The following RNF112 variants were observed in gnomAD, a reference collection of about 807,000 sequenced individuals.
The protein encoded by RNF112 is brain finger protein.
Under a neutral mutation model 64.7 loss-of-function variants are expected in RNF112, and 34 were observed. The ratio of observed to expected loss-of-function variants is 0.53; its 90% CI spans 0.40 to 0.70. RNF112 has a LOEUF of 0.70. Among genes scored for constraint, RNF112 ranks in the 30% least tolerant of loss-of-function variants. The pLI is 0.00. For synonymous variants in RNF112, 345 were observed against 344.5 expected, an observed-to-expected ratio of 1.00 and a Z score of -0.02; for missense variants, 734 against 850.0, an observed-to-expected ratio of 0.86 and a Z score of 1.70.
rs1472780069 is a variant in RNF112 at position 19,412,688 on chromosome 17, G to C, written c.286G>C (p.Glu96Gln). The change falls in exon 3 of 14, where the codon GAG becomes CAG. Residue 96 changes from glutamate (E) to glutamine (Q), a missense_variant. By Grantham distance (29) the Glu-to-Gln change is conservative. Coordinates refer to ENST00000461366, the MANE Select transcript of RNF112 (RefSeq NM_007148.5). This position sits in a 1 kb window ranked among gnomAD's most constrained non-coding sequence, Gnocchi z 5.1. ...GGGCTGTGAGCCGCCCTGCTGTCCT[G>C]AGTGCCGGAAGATATGCAAGCAGAA... Reference protein sequence around the residue: ...LPGCEPPCCPECRKICKQKRG... With the variant: ...LPGCEPPCCPQCRKICKQKRG... 2 of 1,613,206 alleles carry C rather than the reference G, an allele frequency of 1.2e-6. No individual in the cohort carries two copies. Among genetic ancestry groups the C allele is most frequent in the Non-Finnish European group, 1.7e-6 (2 of 1,179,786 alleles).
rs1005788864 is a variant in RNF112, at chr17:19,415,395, T to TG, written c.1350+61dup. 9.7e-6 allele frequency: 15 copies of TG among 1,547,992 alleles called. No homozygotes were observed. The Admixed American group carries it at 9.8e-5, about 10-fold the overall frequency. On this transcript the variant is annotated intron_variant, in intron 12 of 13. Transcript: ENST00000461366. This position sits in a 1 kb window ranked among gnomAD's most constrained non-coding sequence, Gnocchi z 7.8. ...CAGGGAGACAGGGGAGGCAGGGAGG[T>TG]GGGGGCTGTGCCGAGGCCTCCGGGG...
At position 19,415,274 on chromosome 17, in the gene RNF112, G is replaced by T; in HGVS notation, c.1297-12G>T. On this transcript the variant is annotated splice_polypyrimidine_tract_variant and intron_variant, in intron 11 of 13. Transcript: ENST00000461366. This position sits in a 1 kb window ranked among gnomAD's most constrained non-coding sequence, Gnocchi z 7.8. ...CCTGCTCTCCCTGACCCCAGCGATG[G>T]TATCTCCGCAGAACCTCTCAGGATG... The T allele has an allele frequency of 6.2e-7, 1 of 1,604,608 alleles. No homozygotes were observed.
Position 19,416,468 on chromosome 17 carries a change from T to A in RNF112, c.*293T>A. ...ACATCCCAGGGTTTCTGGCTGCAAG[T>A]GAGACTCCACCCTCCCCACCTGGCT... On this transcript the variant is annotated 3_prime_UTR_variant, in exon 14 of 14. Coordinates refer to ENST00000461366, the MANE Select transcript of RNF112 (RefSeq NM_007148.5). The A allele has an allele frequency of 2.9e-6, 1 of 341,516 alleles. No homozygotes were observed. Among genetic ancestry groups the A allele is most frequent in the Non-Finnish European group, 5.4e-6 (1 of 186,408 alleles). 21.2% of individuals were successfully genotyped at this position (341,516 alleles called of 1,614,324 possible). A position where few individuals can be genotyped will look rare whatever the true frequency, so the allele number is the denominator to read the frequency against.
At position 19,415,884 on chromosome 17, in the gene RNF112, C is replaced by T. The variant is rs1419812559; in HGVS notation, c.1605C>T (p.Phe535=). The T allele has an allele frequency of 3.7e-6, 6 of 1,613,600 alleles. No individual in the cohort carries two copies. Among genetic ancestry groups the T allele is most frequent in the Non-Finnish European group, 4.2e-6 (5 of 1,179,824 alleles). The change falls in exon 14 of 14, where the codon TTC becomes TTT. Residue 535 remains phenylalanine, a synonymous_variant. Transcript: ENST00000461366. This position sits in a 1 kb window ranked among gnomAD's most constrained non-coding sequence, Gnocchi z 7.8. ...EAELQATAKA[F]MDSYTMRFCG... is the part of the protein sequence containing the mutation. ...AGCTGCAGGCCACGGCCAAGGCCTTCATGGACTCCTACACGATGCGCTTCT... is the reference window on the plus strand; with the variant it reads ...AGCTGCAGGCCACGGCCAAGGCCTTTATGGACTCCTACACGATGCGCTTCT...
At position 19,415,547 on chromosome 17, in the gene RNF112, G is replaced by C; in HGVS notation, c.1380G>C (p.Lys460Asn). Reference sequence around the variant, plus strand: ...CTGCTCAGCTGCACGACCTGAGGAAGGTGGAAGCTGCCAAGAGGGAGTTCG... The same window carrying C: ...CTGCTCAGCTGCACGACCTGAGGAACGTGGAAGCTGCCAAGAGGGAGTTCG... ...EMAAQLHDLR[K>N]VEAAKREFEE... Residue 460 changes from lysine (K) to asparagine (N), a missense_variant, in exon 13 of 14, where the codon AAG (lysine) becomes AAC (asparagine). Physicochemically the swap from Lys to Asn is moderately conservative, Grantham distance 94 (BLOSUM62 0). Coordinates refer to ENST00000461366, the MANE Select transcript of RNF112 (RefSeq NM_007148.5). The surrounding 1 kb of genome is among the most constrained non-coding windows in gnomAD (Gnocchi z 7.8). The C allele has an allele frequency of 2.5e-6, 4 of 1,612,918 alleles. No individual in the cohort carries two copies. The highest frequency in any genetic ancestry group is 2.5e-6 in the Non-Finnish European group (3 of 1,179,576).
rs1006900185 is a variant in RNF112 at position 19,414,441 on chromosome 17, A to G, written c.877-8A>G. On this transcript the variant is annotated splice_polypyrimidine_tract_variant and splice_region_variant and intron_variant, in intron 7 of 13. Transcript: ENST00000461366. The stretch of plus-strand genomic sequence containing the variant: ...CCAGCCCTGACGCTTTCTGTGTCCC[A>G]CCCCCAGATGTTTGTCCACGTGGCC... The G allele has an allele frequency of 1.9e-6, 3 of 1,613,650 alleles. No homozygotes were observed. The African/African-American group carries it at 4.0e-5, about 22-fold the overall frequency.
chr17:19,411,721 G>C (rs544806512), intron 2 of RNF112, 51 bp downstream of exon 2: 2 of 1,545,596 alleles, frequency 1.3e-6, no homozygotes, highest in Admixed American at 3.9e-5. Context: ...GGCCAGGCAG[G>C]TCAGTTGAAA....
intron 9 of RNF112, 55 bp downstream of exon 9, chr17:19,414,715 A>G: frequency 6.2e-7 from 1 of 1,610,716 alleles, no homozygotes; most frequent in Non-Finnish European, 8.5e-7. Flanking sequence ...AGAGGTGGGG[A>G]AGACATGGGA....
Position 19,412,497 on chromosome 17 carries a change from G to C in RNF112, c.96-1G>C, listed in dbSNP as rs1913694017. ...TTTCAATGGCCTGTTTTGCCCCACA[G>C]GTCCCATACACCTTTCCCCAAGTTG... is the stretch of plus-strand genomic sequence containing the variant. On this transcript the variant is annotated splice_acceptor_variant, in intron 2 of 13. Transcript: ENST00000461366. LOFTEE classifies it high-confidence loss of function. This position sits in a 1 kb window ranked among gnomAD's most constrained non-coding sequence, Gnocchi z 5.1. 6.2e-7 allele frequency: 1 copy of C among 1,610,984 alleles called. No individual in the cohort carries two copies. The highest frequency in any genetic ancestry group is 8.5e-7 in the Non-Finnish European group (1 of 1,179,118).
chr17:19,411,466 A>T lies in RNF112; in HGVS notation c.54+4A>T. 7.1e-7 allele frequency: 1 copy of T among 1,411,114 alleles called. No individual in the cohort carries two copies. The highest frequency in any genetic ancestry group is 1.6e-5 in the African/African-American group (1 of 63,992). The allele number at this position is 1,411,114 out of a possible 1,614,324, so 87.4% of individuals were successfully genotyped here. A position where few individuals can be genotyped will look rare whatever the true frequency, so the allele number is the denominator to read the frequency against. ...TTGTCATCGGCTTGGCAAACGGGCA[A>T]GTCTTCAGTCCTAAGATCGGGAAGG... is the stretch of plus-strand genomic sequence containing the variant. On this transcript the variant is annotated splice_donor_region_variant and intron_variant, in intron 1 of 13. Coordinates refer to ENST00000461366, the MANE Select transcript of RNF112 (RefSeq NM_007148.5).
At position 19,415,264 on chromosome 17, in the gene RNF112, C is replaced by T. The variant is rs1376406544; in HGVS notation, c.1297-22C>T. 2.5e-6 allele frequency: 4 copies of T among 1,600,340 alleles called. No individual in the cohort carries two copies. Among genetic ancestry groups the T allele is most frequent in the Non-Finnish European group, 2.6e-6 (3 of 1,176,296 alleles). ...CGGCTGGGCCCCTGCTCTCCCTGAC[C>T]CCAGCGATGGTATCTCCGCAGAACC... is the stretch of plus-strand genomic sequence containing the variant. On this transcript the variant is annotated intron_variant, in intron 11 of 13. Coordinates refer to ENST00000461366, the MANE Select transcript of RNF112 (RefSeq NM_007148.5). This position sits in a 1 kb window ranked among gnomAD's most constrained non-coding sequence, Gnocchi z 7.8.
chr17:19,411,620 T>C lies in RNF112; in HGVS notation c.55-10T>C, dbSNP rs74724083. On this transcript the variant is annotated splice_polypyrimidine_tract_variant and intron_variant, in intron 1 of 13. Coordinates refer to ENST00000461366, the MANE Select transcript of RNF112 (RefSeq NM_007148.5). ...GTTCTAAATCTTTTTTTTTTTTTTT[T>C]TTCTCCAAGGAGAGAAAACAGAGCT... 18 of 1,550,912 alleles carry C rather than the reference T, an allele frequency of 1.2e-5. No homozygotes were observed. The highest frequency in any genetic ancestry group is 1.5e-5 in the Non-Finnish European group (17 of 1,147,872).
At position 19,416,289 on chromosome 17, in the gene RNF112, C is replaced by G. The variant is rs1233258854; in HGVS notation, c.*114C>G. On this transcript the variant is annotated 3_prime_UTR_variant, in exon 14 of 14. Transcript: ENST00000461366. Reference sequence around the variant, plus strand: ...CAAGGCACCGCCATGTACTGCACTGCCCTGGTCGAATGCTCGGTGTCTGGG... The same window carrying G: ...CAAGGCACCGCCATGTACTGCACTGGCCTGGTCGAATGCTCGGTGTCTGGG... The G allele has an allele frequency of 1.0e-6, 1 of 998,594 alleles. No homozygotes were observed. The highest frequency in any genetic ancestry group is 3.1e-5 in the Admixed American group (1 of 32,554). 61.9% of individuals were successfully genotyped at this position (998,594 alleles called of 1,614,324 possible). A position where few individuals can be genotyped will look rare whatever the true frequency, so the allele number is the denominator to read the frequency against.
chr17:19,413,509 G>A lies in RNF112; in HGVS notation c.721-68G>A. ...TAGAAGATGGGGATGGGACGGGGCA[G>A]GGTTGGGAAGAATGTGGGAGAACAA... On this transcript the variant is annotated intron_variant, in intron 5 of 13. Coordinates refer to ENST00000461366, the MANE Select transcript of RNF112 (RefSeq NM_007148.5). This position sits in a 1 kb window ranked among gnomAD's most constrained non-coding sequence, Gnocchi z 5.9. The A allele has an allele frequency of 1.3e-6, 2 of 1,577,244 alleles. No homozygotes were observed. Among genetic ancestry groups the A allele is most frequent in the Non-Finnish European group, 1.7e-6 (2 of 1,152,296 alleles).
intron 7 of RNF112, 78 bp from the exon 8 acceptor site, chr17:19,414,371 A>C: frequency 6.5e-7 from 1 of 1,545,028 alleles, no homozygotes; most frequent in East Asian, 2.2e-5. Context: ...AGGCGTAGGG[A>C]GGTGGGGAGA....
chr17:19,414,013 G>A, intron 6 of RNF112, 82 bp from the exon 7 acceptor site: 1 of 1,223,276 alleles, frequency 8.2e-7, no homozygotes, highest in South Asian at 1.3e-5. Flanking sequence ...CTGCCTGCGA[G>A]CTCCCTACTC....
rs1194125798 is a variant in RNF112 at position 19,413,630 on chromosome 17, G to A, written c.774G>A (p.Arg258=). The A allele has an allele frequency of 1.2e-6, 2 of 1,613,340 alleles. No individual in the cohort carries two copies. Among genetic ancestry groups the A allele is most frequent in the South Asian group, 1.1e-5 (1 of 90,922 alleles). ...ATGCCATGAGCCCTGAGCTGAGCAG[G>A]GAAACAAGGATCAAGCTCTGTGCTC... ...TGDAMSPELS[R]ETRIKLCALT... Residue 258 remains arginine (R), a synonymous_variant, in exon 6 of 14, where the codon AGG becomes AGA. Coordinates refer to ENST00000461366, the MANE Select transcript of RNF112 (RefSeq NM_007148.5). This position sits in a 1 kb window ranked among gnomAD's most constrained non-coding sequence, Gnocchi z 5.9.
chr17:19,415,725 A>G lies in RNF112; in HGVS notation c.1446A>G (p.Ile482Met). ...VRQQDVATKR[I>M]FSALRVLPDT... ...CACAGGACGTAGCCACCAAGCGCAT[A>G]TTCTCTGCGCTGCGGGTCCTGCCAG... is the stretch of plus-strand genomic sequence containing the variant. Residue 482 changes from isoleucine (I) to methionine (M), a missense_variant, in exon 14 of 14, where the codon ATA becomes ATG. Transcript: ENST00000461366. The surrounding 1 kb of genome is among the most constrained non-coding windows in gnomAD (Gnocchi z 7.8). 1 of 1,611,510 alleles carries G rather than the reference A, an allele frequency of 6.2e-7. No individual in the cohort carries two copies.
At position 19,415,218 on chromosome 17, in the gene RNF112, T is replaced by C. The variant is rs777662649; in HGVS notation, c.1296+11T>C. 14 of 1,602,890 alleles carry C rather than the reference T, an allele frequency of 8.7e-6. No homozygotes were observed. The highest frequency in any genetic ancestry group is 1.1e-5 in the South Asian group (1 of 89,734). ...GCTCAGGAAATCAAGGTGTGAAAACTCCCTGGAGACCCAGGCGACTCGGCT... is the reference window on the plus strand; with the variant it reads ...GCTCAGGAAATCAAGGTGTGAAAACCCCCTGGAGACCCAGGCGACTCGGCT... On this transcript the variant is annotated intron_variant, in intron 11 of 13. Transcript: ENST00000461366. The surrounding 1 kb of genome is among the most constrained non-coding windows in gnomAD (Gnocchi z 7.8).
Sources: gnomAD v4.1 joint callset for allele counts on GRCh38, gnomAD v4.1.1 for gene constraint, Gnocchi (gnomAD v3.1) non-coding constraint, MANE v1.5 for transcripts, NCBI Gene and HGNC (gene_info 2026-07-23, HGNC 2026-07-21) for gene names.